SHROOM3: variants seen among roughly 807,000 people sequenced by gnomAD.
SHROOM3 encodes shroom family member 3, also known as protein Shroom3.
SHROOM3 carries 47 observed loss-of-function variants against 138.6 expected under a neutral mutation model. The ratio of observed to expected loss-of-function variants is 0.34; its 90% confidence interval spans 0.27 to 0.43. The LOEUF is 0.43. Among genes scored for constraint, SHROOM3 ranks in the 20% least tolerant of loss-of-function variants. SHROOM3 has a pLI of 1.00. For synonymous variants in SHROOM3, 1,062 were observed against 1,063.3 expected (o/e 1.00, Z 0.02); for missense variants, 2,491 against 2,596.5 (o/e 0.96, Z 0.88).
intron 2 of SHROOM3, among the ~76,000 whole-genome samples, chr4:76,594,132 C>T (rs1734333416): frequency 6.6e-6 from 1 of 152,332 alleles, no homozygotes; most frequent in Admixed American, 6.5e-5. Flanking sequence ...TCCAAAGTCT[C>T]ACAGTGACAG....
At chr4:76,771,091 G>A (rs1488482094) in intron 10 of SHROOM3, among the ~76,000 whole-genome samples, 193 bp downstream of exon 10, 23 of 152,306 alleles carry the variant, frequency 1.5e-4, no homozygotes, top group Middle Eastern at 6.8e-3. Flanking sequence ...CTGGCCAGGC[G>A]TGGTGGCTCA....
Position 76,693,370 on chromosome 4 carries a change from G to GTTTTTTT in SHROOM3, c.324-16769_324-16763dup, listed in dbSNP as rs10648549. ...TGCATACCTTCATTTTGATAAGTTT[G>GTTTTTTT]TTTTTTTTTTTTTTTTTTTTTTTAA... On this transcript the variant is annotated intron_variant, in intron 2 of 10. Coordinates refer to ENST00000296043, the MANE Select transcript of SHROOM3 (RefSeq NM_020859.4). Among the ~76,000 whole-genome samples, 393 of 79,658 alleles carry GTTTTTTT rather than the reference G, an allele frequency of 4.9e-3. 29 individuals carry two copies. Among genetic ancestry groups the GTTTTTTT allele is most frequent in the Middle Eastern group, 0.031 (3 of 98 alleles). 52.3% of individuals were successfully genotyped at this position (79,658 alleles called of 152,430 possible). A position where few individuals can be genotyped will look rare whatever the true frequency, so the allele number is the denominator to read the frequency against.
chr4:76,769,634 G>C (rs1019391068), intron 9 of SHROOM3, among the ~76,000 whole-genome samples: 2 of 152,124 alleles, frequency 1.3e-5, no homozygotes, highest in Non-Finnish European at 2.9e-5. Flanking sequence ...TAGAACAAGG[G>C]GCTGACTTTC....
chr4:76,611,956 T>A (rs190971021), intron 2 of SHROOM3, among the ~76,000 whole-genome samples: 23 of 152,358 alleles, frequency 1.5e-4, no homozygotes, highest in African/African-American at 5.3e-4. Context: ...CACATTTTCC[T>A]TCTTGAAATA....
At chr4:76,648,215 C>A (rs1735868894) in intron 2 of SHROOM3, among the ~76,000 whole-genome samples, 2 of 152,026 alleles carry the variant, frequency 1.3e-5, no homozygotes, top group Admixed American at 1.3e-4. Flanking sequence ...GTGGTCCCAG[C>A]CACTAAGGAG....
At chr4:76,569,866 G>T (rs1049975086) in intron 2 of SHROOM3, among the ~76,000 whole-genome samples, 1 of 152,054 alleles carries the variant, frequency 6.6e-6, no homozygotes, top group African/African-American at 2.4e-5. Context: ...GCAGCCTCTA[G>T]CCCTAAGGGA....
Position 76,739,501 on chromosome 4 carries a change from G to T in SHROOM3, c.1328G>T (p.Ser443Ile). Residue 443 changes from serine to isoleucine, a missense_variant, in exon 5 of 11, where the codon AGC (serine) becomes ATC (isoleucine). By Grantham distance (142) the Ser-to-Ile change is moderately radical. This residue lies in a region of SHROOM3 where 1,733 missense variants were observed against 1,661.6 expected (regional missense o/e 1.04). Transcript: ENST00000296043. The stretch of plus-strand genomic sequence containing the variant: ...GTGCTGGAGAAGAGTCCAGAGAACA[G>T]CCCCCCAGTGAAGCCCAAGCATAAC... ...HTVLEKSPEN[S>I]PPVKPKHNYT... The T allele has an allele frequency of 6.2e-7, 1 of 1,614,092 alleles. No individual in the cohort carries two copies. The highest frequency in any genetic ancestry group is 8.5e-7 in the Non-Finnish European group (1 of 1,179,972).
intron 2 of SHROOM3, among the ~76,000 whole-genome samples, chr4:76,657,168 ACT>A (rs369556375): frequency 7.0e-4 from 100 of 142,672 alleles, no homozygotes; most frequent in Non-Finnish European, 8.0e-4. Context: ...CAAGAGCGAA[ACT>A]CTCTCTCTCT....
chr4:76,693,065 A>G (rs1719603268), intron 2 of SHROOM3, among the ~76,000 whole-genome samples: 1 of 152,214 alleles, frequency 6.6e-6, no homozygotes, highest in Non-Finnish European at 1.5e-5. Flanking sequence ...CTCTAGGCAT[A>G]TATTACCCTG....
At chr4:76,630,403 TC>T (rs1231623871) in intron 2 of SHROOM3, among the ~76,000 whole-genome samples, 1 of 152,202 alleles carries the variant, frequency 6.6e-6, no homozygotes, top group Non-Finnish European at 1.5e-5. Context: ...ACCAATTGTT[TC>T]CTTCAAAGCA....
At chr4:76,510,301 A>C (rs371607480) in intron 1 of SHROOM3, among the ~76,000 whole-genome samples, 8 of 152,360 alleles carry the variant, frequency 5.3e-5, no homozygotes, top group Admixed American at 2.6e-4. Flanking sequence ...TAATAATGTT[A>C]TCTCTGAAGA....
At chr4:76,648,438 A>G (rs1735882882) in intron 2 of SHROOM3, among the ~76,000 whole-genome samples, 1 of 152,226 alleles carries the variant, frequency 6.6e-6, no homozygotes, top group Non-Finnish European at 1.5e-5. Flanking sequence ...TAAGAGATGA[A>G]CTATTGTAGA....
chr4:76,754,359 C>A lies in SHROOM3; in HGVS notation c.3876C>A (p.Phe1292Leu). Residue 1292 changes from phenylalanine to leucine, a missense_variant, in exon 7 of 11, where the codon TTC becomes TTA. Transcript: ENST00000296043. ...ERGQEEMLPL[F>L]HHLTPRWGGS... ...GCCAAGAAGAGATGCTGCCGCTCTT[C>A]CACCATCTCACCCCTCGTTGGGGTG... 3.7e-6 allele frequency: 6 copies of A among 1,614,216 alleles called. No homozygotes were observed. The highest frequency in any genetic ancestry group is 5.1e-6 in the Non-Finnish European group (6 of 1,180,022).
In SHROOM3 at chr4:76,759,568, G is replaced by T. The variant is rs757495518; in HGVS notation, c.5222G>T (p.Ser1741Ile). 5 of 1,614,136 alleles carry T rather than the reference G, an allele frequency of 3.1e-6. No homozygotes were observed. The highest frequency in any genetic ancestry group is 3.3e-5 in the Admixed American group (2 of 60,024). The change falls in exon 9 of 11, where the codon AGC becomes ATC. Residue 1741 changes from serine to isoleucine, a missense_variant. Around this residue, in one of 4 missense-constraint regions of SHROOM3, gnomAD observed 470 missense variants for 595.0 expected, o/e 0.79. Transcript: ENST00000296043. ...GKRNEDKEAV[S>I]MLVNCPAYYS... ...AGGAATGAAGACAAGGAAGCAGTGA[G>T]CATGTTGGTTAACTGCCCTGCCTAC...
At chr4:76,755,476 G>C (rs975672156) in intron 7 of SHROOM3, among the ~76,000 whole-genome samples, 1 of 152,170 alleles carries the variant, frequency 6.6e-6, no homozygotes, top group Non-Finnish European at 1.5e-5. Flanking sequence ...CTCCTCCCTG[G>C]ATGAGTTCTG....
chr4:76,527,014 C>T (rs1321117547), intron 1 of SHROOM3, among the ~76,000 whole-genome samples: 6 of 152,236 alleles, frequency 3.9e-5, no homozygotes, highest in African/African-American at 1.2e-4. Flanking sequence ...TCCAGCCACC[C>T]GATCGGAGGC....
intron 1 of SHROOM3, among the ~76,000 whole-genome samples, chr4:76,518,464 C>G (rs967822331): frequency 9.9e-5 from 15 of 151,940 alleles, no homozygotes; most frequent in East Asian, 7.7e-4. Flanking sequence ...TCCCCTCCCC[C>G]CTCCTTCCTT....
intron 2 of SHROOM3, among the ~76,000 whole-genome samples, chr4:76,698,173 A>G (rs1239920091): frequency 6.6e-6 from 1 of 152,198 alleles, no homozygotes; most frequent in African/African-American, 2.4e-5. Context: ...TAGGTTTGAT[A>G]TTTGGAGGCA....
intron 1 of SHROOM3, among the ~76,000 whole-genome samples, chr4:76,499,248 G>C (rs1450356521): frequency 6.6e-6 from 1 of 152,200 alleles, no homozygotes; most frequent in African/African-American, 2.4e-5. Context: ...CCTAGCTGCT[G>C]TGGCTATTGG....
Sources: allele counts gnomAD v4.1 joint callset (sites outside exome capture counted in the v4.1 genomes callset), GRCh38; gene constraint gnomAD v4.1.1; regional missense constraint gnomAD v4.1.1; transcripts MANE v1.5; gene names NCBI Gene and HGNC (gene_info 2026-07-23, HGNC 2026-07-21).